Variants in KLHL14 observed in about 807,000 individuals in gnomAD.
The protein encoded by KLHL14 is kelch like family member 14.
Under a neutral mutation model 64.3 loss-of-function variants are expected in KLHL14, and 22 were observed. The observed-to-expected ratio is 0.34, with a 90% CI of 0.24 to 0.49. KLHL14 has a LOEUF of 0.49. Among genes scored for constraint, KLHL14 ranks in the 20% least tolerant of loss-of-function variants. The pLI is 0.99. For synonymous variants in KLHL14, 322 were observed against 333.4 expected (o/e 0.97, Z 0.37); for missense variants, 661 against 789.0 (o/e 0.84, Z 1.94).
In KLHL14 at chr18:32,672,842, A is replaced by AT. The variant is rs1568060681; in HGVS notation, c.*1814dup. ...AAAGCTTTACTTATAATTCTCATAA[A>AT]TGCTTTTATTTTGGTGAGAAATAAA... On this transcript the variant is annotated 3_prime_UTR_variant, in exon 9 of 9. Coordinates refer to ENST00000359358, the MANE Select transcript of KLHL14 (RefSeq NM_020805.3). 6.6e-6 allele frequency: 1 copy of AT among 152,638 alleles called. No individual in the cohort carries two copies. The highest frequency in any genetic ancestry group is 2.4e-5 in the African/African-American group (1 of 41,462). The allele number at this position is 152,638 out of a possible 1,614,324, so 9.5% of individuals were successfully genotyped here.
chr18:32,750,727 A>G (rs1389713688), intron 2 of KLHL14, among the ~76,000 whole-genome samples: 1 of 152,094 alleles, frequency 6.6e-6, no homozygotes, highest in Admixed American at 6.6e-5. Context: ...TAGAGCTGTA[A>G]TATTTCTTAA....
intron 7 of KLHL14, 137 bp from the exon 8 acceptor site, chr18:32,677,467 C>G: frequency 1.3e-6 from 1 of 785,516 alleles, no homozygotes; most frequent in Non-Finnish European, 2.0e-6. Context: ...CATAAATTCA[C>G]TGAGATTGGG....
chr18:32,702,064 G>A (rs1227965231), intron 3 of KLHL14, among the ~76,000 whole-genome samples: 6 of 151,958 alleles, frequency 3.9e-5, no homozygotes, highest in Non-Finnish European at 7.4e-5. Context: ...AAATCCATTT[G>A]TATTTTATAC....
intron 2 of KLHL14, among the ~76,000 whole-genome samples, chr18:32,750,125 G>A (rs866295154): frequency 9.2e-5 from 14 of 151,714 alleles, no homozygotes; most frequent in Admixed American, 5.3e-4. Context: ...CCACCATCAT[G>A]ACCTAATTAC....
chr18:32,770,697 G>C lies in KLHL14; in HGVS notation c.-43-63C>G. The C allele has an allele frequency of 4.1e-6, 2 of 493,656 alleles. No homozygotes were observed. Among genetic ancestry groups the C allele is most frequent in the Non-Finnish European group, 6.1e-6 (2 of 325,396 alleles). The allele number at this position is 493,656 out of a possible 1,614,324, so 30.6% of individuals were successfully genotyped here. The stretch of plus-strand genomic sequence containing the variant: ...AGGGTGGTGGAGCGGGTGGGGTGTG[G>C]TCGGGGTGGGGAAGGGTGTGGAGGG... On this transcript the variant is annotated intron_variant, in intron 1 of 8. Coordinates refer to ENST00000359358, the MANE Select transcript of KLHL14 (RefSeq NM_020805.3). The surrounding 1 kb of genome is among the most constrained non-coding windows in gnomAD (Gnocchi z 6.7).
intron 2 of KLHL14, among the ~76,000 whole-genome samples, chr18:32,747,795 A>G (rs573244848): frequency 1.3e-5 from 2 of 152,316 alleles, no homozygotes; most frequent in East Asian, 1.9e-4. Context: ...CTGATTATCA[A>G]TATCAATCTT....
intron 3 of KLHL14, among the ~76,000 whole-genome samples, chr18:32,706,709 A>G (rs915564860): frequency 6.6e-6 from 1 of 152,124 alleles, no homozygotes; most frequent in African/African-American, 2.4e-5. Context: ...GTAGAAGACA[A>G]TTGGTGAGTA....
At chr18:32,737,192 T>A (rs907029554) in intron 3 of KLHL14, among the ~76,000 whole-genome samples, 4 of 152,168 alleles carry the variant, frequency 2.6e-5, no homozygotes, top group African/African-American at 9.6e-5. Flanking sequence ...TTAAATGGTT[T>A]GTGGGTTTTA....
intron 3 of KLHL14, among the ~76,000 whole-genome samples, chr18:32,724,291 G>A (rs1425480459): frequency 1.3e-5 from 2 of 152,158 alleles, no homozygotes; most frequent in East Asian, 3.9e-4. Context: ...GTTATTAAGG[G>A]TGAACCAATA....
Position 32,723,521 on chromosome 18 carries a change from T to G in KLHL14, c.1069+18407A>C, listed in dbSNP as rs190817452. On this transcript the variant is annotated intron_variant, in intron 3 of 8. Transcript: ENST00000359358. ...GTGCAAGCTGCCTTTCTCATCTTAATGAAGGTCCTTAGTTGGCCCTTTCCA... is the reference window on the plus strand; with the variant it reads ...GTGCAAGCTGCCTTTCTCATCTTAAGGAAGGTCCTTAGTTGGCCCTTTCCA... 3.9e-5 allele frequency among the ~76,000 whole-genome samples: 6 copies of G among 152,312 alleles called. No individual in the cohort carries two copies. In the East Asian group the frequency reaches 1.2e-3, roughly 29 times the overall value.
chr18:32,691,179 T>C (rs995829558), intron 4 of KLHL14, among the ~76,000 whole-genome samples: 6 of 152,130 alleles, frequency 3.9e-5, no homozygotes, highest in Non-Finnish European at 7.3e-5. Flanking sequence ...AGATGTTTGG[T>C]TTAGAATTTC....
At chr18:32,730,210 T>C (rs2050130744) in intron 3 of KLHL14, among the ~76,000 whole-genome samples, 1 of 152,174 alleles carries the variant, frequency 6.6e-6, no homozygotes, top group South Asian at 2.1e-4. Context: ...ATAGACCTCA[T>C]AGAGAAATGG....
intron 8 of KLHL14, 125 bp from the exon 9 acceptor site, chr18:32,674,922 C>G (rs372956680): frequency 1.0e-5 from 6 of 585,596 alleles, no homozygotes; most frequent in African/African-American, 3.7e-5. Flanking sequence ...CTAAATAATT[C>G]CAAATGAAAG....
intron 5 of KLHL14, among the ~76,000 whole-genome samples, chr18:32,684,481 A>G (rs1187123385): frequency 6.6e-6 from 1 of 152,122 alleles, no homozygotes; most frequent in Non-Finnish European, 1.5e-5. Flanking sequence ...CATCTCTCCT[A>G]TGGGCTGGTT....
intron 2 of KLHL14, among the ~76,000 whole-genome samples, chr18:32,764,725 C>T (rs945668550): frequency 2.0e-5 from 3 of 152,126 alleles, no homozygotes; most frequent in African/African-American, 7.2e-5. Flanking sequence ...CACAGCAATG[C>T]CCATTCATTT....
At position 32,761,639 on chromosome 18, in the gene KLHL14, T is replaced by C. The variant is rs528175650; in HGVS notation, c.947+8006A>G. Among the ~76,000 whole-genome samples, 52 of 152,306 alleles carry C rather than the reference T, an allele frequency of 3.4e-4. 1 individual carries two copies. The South Asian group carries it at 0.011, about 32-fold the overall frequency. On this transcript the variant is annotated intron_variant, in intron 2 of 8. Transcript: ENST00000359358. ...TAGGGTGTCCCAGCCCATGCCACTT[T>C]TCTCTTGTAGGTTATGTATTGCCAG... is the stretch of plus-strand genomic sequence containing the variant.
chr18:32,772,104 G>A (rs1332061537), intron 1 of KLHL14: 3 of 234,656 alleles, frequency 1.3e-5, no homozygotes, highest in Middle Eastern at 4.9e-4. Context: ...GCGCCGGCCC[G>A]CCGGCCCGCC....
At chr18:32,718,366 G>T (rs1193809935) in intron 3 of KLHL14, among the ~76,000 whole-genome samples, 2 of 152,002 alleles carry the variant, frequency 1.3e-5, no homozygotes, top group Non-Finnish European at 2.9e-5. Flanking sequence ...CTTTCTCCTG[G>T]CACAATAAGA....
At chr18:32,684,734 A>C (rs753481270) in intron 5 of KLHL14, among the ~76,000 whole-genome samples, 5 of 152,210 alleles carry the variant, frequency 3.3e-5, no homozygotes, top group African/African-American at 1.2e-4. Flanking sequence ...ACACAATGTA[A>C]AATTAACTAA....
Sources: allele counts gnomAD v4.1 joint callset (sites outside exome capture counted in the v4.1 genomes callset), GRCh38; gene constraint gnomAD v4.1.1; non-coding constraint Gnocchi (gnomAD v3.1); transcripts MANE v1.5; gene names NCBI Gene and HGNC (gene_info 2026-07-23, HGNC 2026-07-21).